The following COL1A2 variants were observed in gnomAD, a reference collection of about 807,000 sequenced individuals.
COL1A2 encodes the protein collagen type I alpha 2 chain.
In COL1A2, 49 loss-of-function variants were observed where a neutral mutation model predicts 174.3. The ratio of observed to expected loss-of-function variants is 0.28; its 90% confidence interval spans 0.22 to 0.36. The LOEUF (loss-of-function observed/expected upper bound fraction) is 0.36, where lower values mean the gene tolerates loss of function less well. Ranked by LOEUF, COL1A2 falls within the 10% of genes least tolerant of loss-of-function variation. The probability of loss-of-function intolerance (pLI) is 1.00; values close to 1 mark genes in which losing one functional copy is unlikely to be tolerated. For synonymous variants in COL1A2, 655 were observed against 606.6 expected, an observed-to-expected ratio of 1.08 and a Z score of -1.17; for missense variants, 1,438 against 1,822.7, an observed-to-expected ratio of 0.79 and a Z score of 3.84.
Position 94,401,556 on chromosome 7 carries a change from TA to T in COL1A2, c.226-10del. The T allele has an allele frequency of 1.5e-6, 2 of 1,324,308 alleles. No individual in the cohort carries two copies. The highest frequency in any genetic ancestry group is 2.3e-5 in the South Asian group (1 of 43,872). 82.0% of individuals were successfully genotyped at this position (1,324,308 alleles called of 1,614,324 possible). ...ATATATATATATAATTTTTTTTTTT[TA>T]CTTCTCTAGAACTTTGCTGCTCAGT... is the stretch of plus-strand genomic sequence containing the variant. On this transcript the variant is annotated splice_polypyrimidine_tract_variant and intron_variant, in intron 5 of 51. Coordinates refer to ENST00000297268, the MANE Select transcript of COL1A2 (RefSeq NM_000089.4).
intron 6 of COL1A2, among the ~76,000 whole-genome samples, chr7:94,402,382 C>A (rs995349447): frequency 6.6e-6 from 1 of 151,844 alleles, no homozygotes; most frequent in Non-Finnish European, 1.5e-5. Context: ...CAAAAAAATC[C>A]TTTTTTAGTC....
At chr7:94,400,018 A>G in intron 4 of COL1A2, 178 bp from the exon 5 acceptor site, 1 of 765,774 alleles carries the variant, frequency 1.3e-6, no homozygotes, top group Non-Finnish European at 2.4e-6. Flanking sequence ...CTTAAGAGTT[A>G]TTAACCCTCT....
intron 20 of COL1A2, 32 bp downstream of exon 20, chr7:94,410,327 G>A (rs941327422): frequency 1.2e-6 from 2 of 1,613,028 alleles, no homozygotes; most frequent in African/African-American, 1.3e-5. Flanking sequence ...CTTTTATAAA[G>A]TTAATTGTTT....
rs1562905102 is a variant in COL1A2, at chr7:94,420,303, G to A, written c.2133+17G>A. The A allele has an allele frequency of 6.2e-7, 1 of 1,614,020 alleles. No individual in the cohort carries two copies. The highest frequency in any genetic ancestry group is 2.2e-5 in the East Asian group (1 of 44,872). On this transcript the variant is annotated intron_variant, in intron 35 of 51. Coordinates refer to ENST00000297268, the MANE Select transcript of COL1A2 (RefSeq NM_000089.4). ...GGAAGCCCTGTAAGTAAGAACCTGG[G>A]TCATTTTGTATACTCACACCTCACA...
At position 94,425,782 on chromosome 7, in the gene COL1A2, C is replaced by T. The variant is rs141516754; in HGVS notation, c.2868C>T (p.Pro956=). 6.8e-5 allele frequency: 109 copies of T among 1,613,078 alleles called. No individual in the cohort carries two copies. The highest frequency in any genetic ancestry group is 8.2e-5 in the Non-Finnish European group (97 of 1,179,658). The change falls in exon 44 of 52, where the codon CCC becomes CCT. Residue 956 remains proline, a synonymous_variant. Transcript: ENST00000297268. Reference sequence around the variant, plus strand: ...GCGGTTACCCTGGCAATATTGGTCCCGTTGGTGCTGCAGGTGCACCTGGTC... The same window carrying T: ...GCGGTTACCCTGGCAATATTGGTCCTGTTGGTGCTGCAGGTGCACCTGGTC... ...GERGYPGNIG[P]VGAAGAPGPH...
chr7:94,428,583 A>G, intron 50 of COL1A2, 106 bp downstream of exon 50: 2 of 1,103,284 alleles, frequency 1.8e-6, no homozygotes, highest in Non-Finnish European at 2.7e-6. Context: ...CTTATTAAAA[A>G]AAGACCTGTT....
intron 45 of COL1A2, 24 bp from the exon 46 acceptor site, chr7:94,426,399 A>C: frequency 2.0e-5 from 30 of 1,525,458 alleles, no homozygotes; most frequent in Non-Finnish European, 2.4e-5. Context: ...GGTAAGTCTT[A>C]TCCATCCTTC....
chr7:94,396,596 T>C (rs2115847782), intron 1 of COL1A2, among the ~76,000 whole-genome samples: 1 of 152,292 alleles, frequency 6.6e-6, no homozygotes, highest in South Asian at 2.1e-4. Flanking sequence ...CAAACACACA[T>C]TCTTCAAAAT....
In COL1A2 at chr7:94,401,605, T is replaced by A. The variant is rs965099657; in HGVS notation, c.264T>A (p.Leu88=). 1 of 1,581,274 alleles carries A rather than the reference T, an allele frequency of 6.3e-7. No homozygotes were observed. Among genetic ancestry groups the A allele is most frequent in the Admixed American group, 1.7e-5 (1 of 58,988 alleles). Reference sequence around the variant, plus strand: ...AGTATGATGGAAAAGGAGTTGGACTTGGCCCTGGACCAATGGTATGCTTAT... The same window carrying A: ...AGTATGATGGAAAAGGAGTTGGACTAGGCCCTGGACCAATGGTATGCTTAT... The part of the protein sequence containing the change: ...AAQYDGKGVG[L]GPGPMGLMGP... Residue 88 remains leucine (L), a synonymous_variant, in exon 6 of 52, where the codon CTT becomes CTA. Coordinates refer to ENST00000297268, the MANE Select transcript of COL1A2 (RefSeq NM_000089.4).
chr7:94,418,870 G>A (rs1184485748), intron 33 of COL1A2, among the ~76,000 whole-genome samples: 1 of 151,510 alleles, frequency 6.6e-6, no homozygotes, highest in Non-Finnish European at 1.5e-5. Context: ...TGATAACAGA[G>A]ATTAAAATAA....
At chr7:94,429,505 G>T (rs955689039) in intron 51 of COL1A2, 75 bp downstream of exon 51, 9 of 1,563,644 alleles carry the variant, frequency 5.8e-6, no homozygotes, top group East Asian at 2.2e-5. Context: ...TGCCCCCAAG[G>T]GGGGGTCTAA....
Position 94,414,234 on chromosome 7 carries a change from C to T in COL1A2, c.1678C>T (p.Pro560Ser). The change falls in exon 29 of 52, where the codon CCC (proline) becomes TCC (serine). Residue 560 changes from proline (P) to serine (S), a missense_variant. Transcript: ENST00000297268. ...GPPGFQGLPG[P>S]SGPAGEVGKP... ...TTTTCATTTTTAGGGTCTGCCTGGC[C>T]CCTCAGGTCCCGCTGGTGAAGTTGG... 10 of 1,613,532 alleles carry T rather than the reference C, an allele frequency of 6.2e-6. No homozygotes were observed. The highest frequency in any genetic ancestry group is 8.5e-6 in the Non-Finnish European group (10 of 1,179,888).
intron 40 of COL1A2, chr7:94,423,456 T>G (rs750884199): frequency 8.2e-6 from 3 of 363,942 alleles, no homozygotes; most frequent in Non-Finnish European, 1.6e-5. Context: ...GGCTACCAAT[T>G]TCTTAAACAT....
intron 19 of COL1A2, 88 bp downstream of exon 19, chr7:94,409,909 T>C: frequency 3.1e-6 from 4 of 1,284,308 alleles, no homozygotes; most frequent in Non-Finnish European, 4.5e-6. Context: ...CTTGTAGTTT[T>C]ATTATTCCTA....
In COL1A2 at chr7:94,409,325, G is replaced by A; in HGVS notation, c.796G>A (p.Glu266Lys). 2 of 1,614,082 alleles carry A rather than the reference G, an allele frequency of 1.2e-6. No homozygotes were observed. Among genetic ancestry groups the A allele is most frequent in the Non-Finnish European group, 1.7e-6 (2 of 1,179,958 alleles). ...TTGGTTTAATTTCCTCTTTTAGGGT[G>A]AAATTGGAGCTGTTGGTAACGCTGG... ...GFPGAPGPKG[E>K]IGAVGNAGPA... The change falls in exon 17 of 52, where the codon GAA becomes AAA. Residue 266 changes from glutamate (E) to lysine (K), a missense_variant. Transcript: ENST00000297268.
At chr7:94,415,903 T>C (rs556696730) in intron 30 of COL1A2, among the ~76,000 whole-genome samples, 1 of 151,234 alleles carries the variant, frequency 6.6e-6, no homozygotes, top group Non-Finnish European at 1.5e-5. Context: ...TAGACAGACA[T>C]ATATATATAT....
Position 94,394,917 on chromosome 7 carries a change from T to C in COL1A2, c.-115T>C. ...TTTAGCACCACGGCAGCAGGAGGTT[T>C]CGGCTAAGTTGGAGGTACTGGCCAC... On this transcript the variant is annotated 5_prime_UTR_variant, in exon 1 of 52. Coordinates refer to ENST00000297268, the MANE Select transcript of COL1A2 (RefSeq NM_000089.4). The C allele has an allele frequency of 2.4e-6, 2 of 821,800 alleles. No homozygotes were observed. Among genetic ancestry groups the C allele is most frequent in the South Asian group, 2.7e-5 (2 of 74,366 alleles). The allele number at this position is 821,800 out of a possible 1,614,324, so 50.9% of individuals were successfully genotyped here.
At chr7:94,429,098 C>CTTTTTTTTTTT in intron 50 of COL1A2, 90 bp from the exon 51 acceptor site, 37 of 926,610 alleles carry the variant, frequency 4.0e-5, no homozygotes, top group South Asian at 1.3e-4. Flanking sequence ...TTCCTGAGAT[C>CTTTTTTTTTTT]TTTTTTTTTC....
intron 46 of COL1A2, 149 bp downstream of exon 46, chr7:94,426,679 G>T: frequency 1.3e-6 from 1 of 743,648 alleles, no homozygotes; most frequent in Non-Finnish European, 2.4e-6. Context: ...ACTCTTGGAG[G>T]TAATGCTATT....
Sources: gnomAD v4.1 joint callset for allele counts (sites outside exome capture counted in the v4.1 genomes callset) on GRCh38, gnomAD v4.1.1 for gene constraint, MANE v1.5 for transcripts, NCBI Gene and HGNC (gene_info 2026-07-23, HGNC 2026-07-21) for gene names.